Variants in MORN4 observed in about 807,000 individuals in gnomAD.
MORN4 encodes the protein MORN repeat-containing protein 4.
MORN4 carries 8 observed loss-of-function variants against 16.4 expected under a neutral mutation model. That is an observed-to-expected ratio of 0.49 (90% confidence interval 0.29 to 0.88). The LOEUF is 0.88. Among genes scored for constraint, MORN4 ranks in the 40% least tolerant of loss-of-function variants. MORN4 has a pLI of 0.09. For missense variants in MORN4, 159 were observed against 182.9 expected, an observed-to-expected ratio of 0.87 and a Z score of 0.75; for synonymous variants, 53 against 68.9, an observed-to-expected ratio of 0.77 and a Z score of 1.14.
chr10:97,633,826 T>G (rs1223954664), upstream of MORN4, among the ~76,000 whole-genome samples: 1 of 152,218 alleles, frequency 6.6e-6, no homozygotes, highest in Non-Finnish European at 1.5e-5. This position sits in a 1 kb window ranked among gnomAD's most constrained non-coding sequence, Gnocchi z 4.5. Flanking sequence ...CCGCGGAGTT[T>G]AAGGCAGATC....
At chr10:97,621,401 T>C (rs1335590775) in intron 1 of MORN4, among the ~76,000 whole-genome samples, 4 of 152,142 alleles carry the variant, frequency 2.6e-5, no homozygotes, top group African/African-American at 9.7e-5. Flanking sequence ...GGATGTAATA[T>C]GAAGGCAGTG....
At chr10:97,617,750 C>A (rs1308948864) in intron 2 of MORN4, among the ~76,000 whole-genome samples, 2 of 152,108 alleles carry the variant, frequency 1.3e-5, no homozygotes, top group Non-Finnish European at 2.9e-5. Context: ...GTCCCAGCTA[C>A]TCGGGAGGCT....
chr10:97,619,312 G>A (rs2041267396), intron 2 of MORN4: 2 of 564,258 alleles, frequency 3.5e-6, no homozygotes, highest in Non-Finnish European at 3.2e-6. Context: ...GCAACATAGT[G>A]AGCGAGACCT....
chr10:97,616,148 C>T lies in MORN4; in HGVS notation c.*115G>A. Reference sequence around the variant, plus strand: ...GCAGGTGACAGGGCACATACAAGGCCTCTGCTCCACTGTCATTGTCAACTC... The same window carrying T: ...GCAGGTGACAGGGCACATACAAGGCTTCTGCTCCACTGTCATTGTCAACTC... On this transcript the variant is annotated 3_prime_UTR_variant, in exon 5 of 5. Transcript: ENST00000307450. 8.8e-7 allele frequency: 1 copy of T among 1,134,746 alleles called. No individual in the cohort carries two copies. The highest frequency in any genetic ancestry group is 1.2e-6 in the Non-Finnish European group (1 of 828,112). The allele number at this position is 1,134,746 out of a possible 1,614,324, so 70.3% of individuals were successfully genotyped here. A position where few individuals can be genotyped will look rare whatever the true frequency, so the allele number is the denominator to read the frequency against.
chr10:97,624,000 T>G (rs1358973806), intron 1 of MORN4, among the ~76,000 whole-genome samples: 1 of 152,032 alleles, frequency 6.6e-6, no homozygotes, highest in Non-Finnish European at 1.5e-5. Flanking sequence ...CCTCCCAAAG[T>G]GCTGGGATTA....
upstream of MORN4, chr10:97,633,574 CG>C: frequency 7.8e-7 from 1 of 1,289,814 alleles, no homozygotes; most frequent in African/African-American, 1.5e-5. This position sits in a 1 kb window ranked among gnomAD's most constrained non-coding sequence, Gnocchi z 4.5. Context: ...TGGCCCAGCC[CG>C]GCTCCACGCC....
chr10:97,618,327 C>T (rs1589918000), intron 2 of MORN4, among the ~76,000 whole-genome samples: 1 of 125,436 alleles, frequency 8.0e-6, no homozygotes, highest in Non-Finnish European at 1.6e-5. Flanking sequence ...CACAGTGGTG[C>T]GATCTTGGCT....
chr10:97,630,722 C>A (rs2041389118), intron 1 of MORN4, among the ~76,000 whole-genome samples: 1 of 152,210 alleles, frequency 6.6e-6, no homozygotes, highest in Non-Finnish European at 1.5e-5. Context: ...GATTTTATGA[C>A]TTTTATAATT....
rs1368781697 is a variant in MORN4, at chr10:97,633,412, C to T, written c.-96G>A. On this transcript the variant is annotated 5_prime_UTR_variant, in exon 1 of 5. Coordinates refer to ENST00000307450, the MANE Select transcript of MORN4 (RefSeq NM_178832.4). This position sits in a 1 kb window ranked among gnomAD's most constrained non-coding sequence, Gnocchi z 4.5. Reference sequence around the variant, plus strand: ...AGGGTTCCAGCGCCTCGGACTTTTCCTCTGATGGGCTCCCGGCTGCCACCT... The same window carrying T: ...AGGGTTCCAGCGCCTCGGACTTTTCTTCTGATGGGCTCCCGGCTGCCACCT... 7.8e-7 allele frequency: 1 copy of T among 1,289,930 alleles called. No homozygotes were observed. Among genetic ancestry groups the T allele is most frequent in the Admixed American group, 2.3e-5 (1 of 43,570 alleles). 79.9% of individuals were successfully genotyped at this position (1,289,930 alleles called of 1,614,324 possible). A position where few individuals can be genotyped will look rare whatever the true frequency, so the allele number is the denominator to read the frequency against.
Position 97,616,318 on chromosome 10 carries a change from G to A in MORN4, c.386C>T (p.Ala129Val). 6.2e-7 allele frequency: 1 copy of A among 1,613,268 alleles called. No individual in the cohort carries two copies. Among genetic ancestry groups the A allele is most frequent in the Non-Finnish European group, 8.5e-7 (1 of 1,179,614 alleles). Residue 129 changes from alanine (A) to valine (V), a missense_variant, in exon 5 of 5, where the codon GCC becomes GTC. By Grantham distance (64) the Ala-to-Val change is moderately conservative. Transcript: ENST00000307450. Reference protein sequence around the residue: ...NKLLRREKCSAIVQRAQSASK... With the variant: ...NKLLRREKCSVIVQRAQSASK... ...GGCGCTCTGGGCCCGCTGAACAATGGCAGAACACTTCTCACGTCGCAGCAG... is the reference window on the plus strand; with the variant it reads ...GGCGCTCTGGGCCCGCTGAACAATGACAGAACACTTCTCACGTCGCAGCAG...
intron 3 of MORN4, 130 bp from the exon 4 acceptor site, chr10:97,616,917 C>T (rs925317516): frequency 7.3e-6 from 5 of 680,760 alleles, no homozygotes; most frequent in Admixed American, 4.6e-5. Flanking sequence ...CACATAGCTC[C>T]ACCTACCCCA....
chr10:97,633,473 T>G lies in MORN4; in HGVS notation c.-157A>C. On this transcript the variant is annotated 5_prime_UTR_variant, in exon 1 of 5. Coordinates refer to ENST00000307450, the MANE Select transcript of MORN4 (RefSeq NM_178832.4). The surrounding 1 kb of genome is among the most constrained non-coding windows in gnomAD (Gnocchi z 4.5). ...CACCTCCACCAGCGATTGCCCCACT[T>G]GACGCCGCCATCCTGGGCGACCGCA... The G allele has an allele frequency of 7.8e-7, 1 of 1,289,850 alleles. No individual in the cohort carries two copies. Among genetic ancestry groups the G allele is most frequent in the Non-Finnish European group, 1.0e-6 (1 of 988,848 alleles). 79.9% of individuals were successfully genotyped at this position (1,289,850 alleles called of 1,614,324 possible).
chr10:97,628,774 T>C (rs2041370680), intron 1 of MORN4, among the ~76,000 whole-genome samples: 1 of 152,152 alleles, frequency 6.6e-6, no homozygotes, highest in South Asian at 2.1e-4. Flanking sequence ...TCATGTGATC[T>C]GCCTGCCTTG....
In MORN4 at chr10:97,633,369, A is replaced by T. The variant is rs746703635; in HGVS notation, c.-53T>A. ...AACCTGGGGCCGGCCTTTCGGGATG[A>T]CCGTCACGCCTGGACGCAGGGTTCC... is the stretch of plus-strand genomic sequence containing the variant. On this transcript the variant is annotated 5_prime_UTR_variant, in exon 1 of 5. Transcript: ENST00000307450. The surrounding 1 kb of genome is among the most constrained non-coding windows in gnomAD (Gnocchi z 4.5). 12 of 1,289,788 alleles carry T rather than the reference A, an allele frequency of 9.3e-6. 1 individual carries two copies. In the South Asian group the frequency reaches 1.4e-4, roughly 15 times the overall value. The allele number at this position is 1,289,788 out of a possible 1,614,324, so 79.9% of individuals were successfully genotyped here.
chr10:97,633,983 C>T (rs891265558), upstream of MORN4, among the ~76,000 whole-genome samples: 1 of 152,160 alleles, frequency 6.6e-6, no homozygotes, highest in Admixed American at 6.6e-5. The surrounding 1 kb of genome is among the most constrained non-coding windows in gnomAD (Gnocchi z 4.5). Context: ...TATCTAGATC[C>T]TTTTTGTTTA....
At chr10:97,618,276 TTTTTTTG>T in intron 2 of MORN4, among the ~76,000 whole-genome samples, 1 of 142,306 alleles carries the variant, frequency 7.0e-6, no homozygotes, top group Admixed American at 7.0e-5. Context: ...TTTTTTTTTT[TTTTTTTG>T]AGACAGAGTC....
intron 4 of MORN4, 60 bp downstream of exon 4, chr10:97,616,618 G>T: frequency 3.6e-6 from 5 of 1,397,378 alleles, no homozygotes; most frequent in Non-Finnish European, 4.1e-6. Flanking sequence ...AACTAAACAG[G>T]TATATTTCCA....
At chr10:97,616,815 C>T (rs2041240569) in intron 3 of MORN4, 28 bp from the exon 4 acceptor site, 3 of 1,517,660 alleles carry the variant, frequency 2.0e-6, no homozygotes. Context: ...AGTTAGCCTT[C>T]AGTGGAAAGT....
chr10:97,618,616 C>T (rs2041260619), intron 2 of MORN4, among the ~76,000 whole-genome samples: 1 of 152,062 alleles, frequency 6.6e-6, no homozygotes, highest in African/African-American at 2.4e-5. Context: ...CACAAGAACT[C>T]CCTTGAATTC....
Sources: gnomAD v4.1 joint callset for allele counts (sites outside exome capture counted in the v4.1 genomes callset) on GRCh38, gnomAD v4.1.1 for gene constraint, Gnocchi (gnomAD v3.1) non-coding constraint, MANE v1.5 for transcripts, NCBI Gene and HGNC (gene_info 2026-07-23, HGNC 2026-07-21) for gene names.